ALDH1L1: variants seen among roughly 807,000 people sequenced by gnomAD.
ALDH1L1 encodes cytosolic 10-formyltetrahydrofolate dehydrogenase.
In ALDH1L1, 68 loss-of-function variants were observed where a neutral mutation model predicts 101.1. That is an observed-to-expected ratio of 0.67 (90% CI 0.55 to 0.82). ALDH1L1 has a LOEUF of 0.82. ALDH1L1 is among the 40% of genes least tolerant of loss of function. The pLI is 0.00. For synonymous variants in ALDH1L1, 486 were observed against 470.8 expected, an observed-to-expected ratio of 1.03 and a Z score of -0.42; for missense variants, 1,087 against 1,172.7, an observed-to-expected ratio of 0.93 and a Z score of 1.07.
At chr3:126,173,996 A>G (rs1478770674) in intron 1 of ALDH1L1, among the ~76,000 whole-genome samples, 1 of 152,220 alleles carries the variant, frequency 6.6e-6, no homozygotes, top group Non-Finnish European at 1.5e-5. Flanking sequence ...TGAATCCACT[A>G]TTATTACAGT....
chr3:126,115,393 T>A (rs1177721268), intron 17 of ALDH1L1: 1 of 253,598 alleles, frequency 3.9e-6, no homozygotes, highest in East Asian at 1.1e-4. Context: ...CCATCTCAGC[T>A]GCAGGTCTGT....
Position 126,130,246 on chromosome 3 carries a change from G to C in ALDH1L1, c.1671C>G (p.Thr557=), listed in dbSNP as rs145169282. ...ACCCAACAGGCTCCTTCCTGGTCAA[G>C]GTCAGGTTGCGGTTGGGTCTGGCCT... The part of the protein sequence containing the change: ...INQARPNRNL[T]LTRKEPVGVC... Residue 557 remains threonine (T), a synonymous_variant, in exon 14 of 23, where the codon ACC becomes ACG. Coordinates refer to ENST00000393434, the MANE Select transcript of ALDH1L1 (RefSeq NM_012190.4). The C allele has an allele frequency of 2.2e-5, 35 of 1,610,466 alleles. No homozygotes were observed. The African/African-American group carries it at 3.9e-4, about 18-fold the overall frequency.
chr3:126,103,954 C>A, intron 22 of ALDH1L1, 108 bp from the exon 23 acceptor site: 1 of 1,270,944 alleles, frequency 7.9e-7, no homozygotes, highest in Non-Finnish European at 1.1e-6. Context: ...CTCTGGCTCA[C>A]CCCACTTCCA....
intron 1 of ALDH1L1, among the ~76,000 whole-genome samples, chr3:126,167,464 A>T (rs1464813672): frequency 1.3e-5 from 2 of 152,180 alleles, no homozygotes; most frequent in Non-Finnish European, 2.9e-5. Context: ...ATAATAAGGG[A>T]ACAAAATTTA....
At chr3:126,192,709 A>G (rs190293294) in intron 1 of ALDH1L1, among the ~76,000 whole-genome samples, 12 of 152,334 alleles carry the variant, frequency 7.9e-5, no homozygotes, top group Non-Finnish European at 1.3e-4. Context: ...CATGGGTACT[A>G]TTGTGTCTGA....
intron 3 of ALDH1L1, 140 bp from the exon 4 acceptor site, chr3:126,157,648 C>G: frequency 1.1e-6 from 1 of 904,028 alleles, no homozygotes; most frequent in Non-Finnish European, 1.7e-6. Context: ...CGGCGGGAAA[C>G]GGAAGAAGGA....
At chr3:126,162,072 T>G (rs949511102) in intron 1 of ALDH1L1, among the ~76,000 whole-genome samples, 6 of 152,224 alleles carry the variant, frequency 3.9e-5, no homozygotes, top group Admixed American at 2.0e-4. Flanking sequence ...CTGCAGAGTA[T>G]TTTGATATGT....
At chr3:126,142,959 C>A (rs112133914) in intron 9 of ALDH1L1, among the ~76,000 whole-genome samples, 2 of 152,122 alleles carry the variant, frequency 1.3e-5, no homozygotes, top group African/African-American at 4.8e-5. Flanking sequence ...TCCCAAAAAC[C>A]CATTATAAAT....
chr3:126,105,933 G>T lies in ALDH1L1; in HGVS notation c.2454-8C>A. The T allele has an allele frequency of 6.2e-7, 1 of 1,610,778 alleles. No individual in the cohort carries two copies. Among genetic ancestry groups the T allele is most frequent in the Non-Finnish European group, 8.5e-7 (1 of 1,177,358 alleles). ...AGCACGGCATCCAAGTCCCTGGAGA[G>T]AAAGTCCAGGAAGAACTCCCTGAGG... On this transcript the variant is annotated splice_region_variant and splice_polypyrimidine_tract_variant and intron_variant, in intron 21 of 22. Transcript: ENST00000393434.
At chr3:126,124,731 G>T (rs569529094) in intron 15 of ALDH1L1, among the ~76,000 whole-genome samples, 2 of 152,218 alleles carry the variant, frequency 1.3e-5, no homozygotes, top group Non-Finnish European at 2.9e-5. Flanking sequence ...GTTCCCTTCT[G>T]CACAGCATAA....
chr3:126,187,987 C>G (rs184954895), intron 1 of ALDH1L1, among the ~76,000 whole-genome samples: 1 of 152,286 alleles, frequency 6.6e-6, no homozygotes, highest in East Asian at 1.9e-4. Context: ...AGAACCAGAA[C>G]AGGTTCAAAG....
intron 8 of ALDH1L1, among the ~76,000 whole-genome samples, chr3:126,147,286 C>A (rs1023312946): frequency 6.6e-6 from 1 of 152,202 alleles, no homozygotes; most frequent in Non-Finnish European, 1.5e-5. Context: ...CTGCTCCTGA[C>A]CCCCACTCAC....
Position 126,154,601 on chromosome 3 carries a change from G to A in ALDH1L1, c.673C>T (p.Arg225Cys), listed in dbSNP as rs539210926. 9.9e-6 allele frequency: 16 copies of A among 1,614,144 alleles called. No individual in the cohort carries two copies. Among genetic ancestry groups the A allele is most frequent in the South Asian group, 2.2e-5 (2 of 91,068 alleles). ...GCTCCCGGCACCTTGTCGTTCCCGCGGATCCAGTTGTGAATGGCCTCTGCC... is the reference window on the plus strand; with the variant it reads ...GCTCCCGGCACCTTGTCGTTCCCGCAGATCCAGTTGTGAATGGCCTCTGCC... ...QPAEAIHNWI[R>C]GNDKVPGAWT... The change falls in exon 6 of 23, where the codon CGC (arginine) becomes TGC (cysteine). Residue 225 changes from arginine to cysteine, a missense_variant. Around this residue, in one of 2 missense-constraint regions of ALDH1L1, gnomAD observed 645 missense variants for 637.0 expected, o/e 1.01. Transcript: ENST00000393434.
intron 9 of ALDH1L1, among the ~76,000 whole-genome samples, chr3:126,142,852 C>G (rs921447282): frequency 5.9e-5 from 9 of 152,250 alleles, no homozygotes; most frequent in African/African-American, 2.2e-4. Flanking sequence ...CGGGCAGGGT[C>G]GGGGGTTGGG....
chr3:126,167,844 T>G (rs1330516529), intron 1 of ALDH1L1, among the ~76,000 whole-genome samples: 2 of 152,096 alleles, frequency 1.3e-5, no homozygotes, highest in Non-Finnish European at 2.9e-5. Flanking sequence ...TGTTTAAAAT[T>G]GAAAAAACAG....
chr3:126,106,520 G>A (rs1441581082), intron 21 of ALDH1L1, among the ~76,000 whole-genome samples: 1 of 152,152 alleles, frequency 6.6e-6, no homozygotes, highest in Non-Finnish European at 1.5e-5. Flanking sequence ...AGCCCAGCCT[G>A]GTCTGGGTGA....
chr3:126,183,338 A>G (rs943414745), upstream of ALDH1L1, among the ~76,000 whole-genome samples: 2 of 152,230 alleles, frequency 1.3e-5, no homozygotes, highest in South Asian at 4.1e-4. Flanking sequence ...TTATATGAGC[A>G]AAACAGTGTA....
chr3:126,158,030 A>C (rs974550984), intron 3 of ALDH1L1, among the ~76,000 whole-genome samples: 1 of 152,008 alleles, frequency 6.6e-6, no homozygotes, highest in Non-Finnish European at 1.5e-5. Context: ...AGTGGAAGTT[A>C]GAGTAGGACC....
At chr3:126,159,222 G>GCACACACACACACA (rs143177704) in intron 2 of ALDH1L1, among the ~76,000 whole-genome samples, 1 of 147,818 alleles carries the variant, frequency 6.8e-6, no homozygotes, top group African/African-American at 2.5e-5. Flanking sequence ...ACACATGCGT[G>GCACACACACACACA]CACACACACA....
Sources: gnomAD v4.1 joint callset for allele counts (sites outside exome capture counted in the v4.1 genomes callset) on GRCh38, gnomAD v4.1.1 for gene constraint, gnomAD v4.1.1 regional missense constraint, MANE v1.5 for transcripts, NCBI Gene and HGNC (gene_info 2026-07-23, HGNC 2026-07-21) for gene names.